Variants in CLUAP1 observed in about 807,000 individuals in gnomAD.
CLUAP1 encodes the protein clusterin-associated protein 1.
A neutral mutation model predicts 55.0 loss-of-function variants in CLUAP1; 50 were observed. The observed-to-expected ratio is 0.91, with a 90% CI of 0.72 to 1.15. The LOEUF (loss-of-function observed/expected upper bound fraction) is 1.15, where lower values mean the gene tolerates loss of function less well. CLUAP1 is among the 50% of genes most tolerant of loss of function. The pLI is 0.00. For synonymous variants in CLUAP1, 195 were observed against 175.4 expected, an observed-to-expected ratio of 1.11 and a Z score of -0.88; for missense variants, 530 against 507.6, an observed-to-expected ratio of 1.04 and a Z score of -0.42.
chr16:3,508,440 ACAAGTT>A lies in CLUAP1; in HGVS notation c.378_383del (p.Lys127_Phe128del), dbSNP rs745652641. 1 of 1,583,820 alleles carries A rather than the reference ACAAGTT, an allele frequency of 6.3e-7. No individual in the cohort carries two copies. Among genetic ancestry groups the A allele is most frequent in the Non-Finnish European group, 8.5e-7 (1 of 1,172,228 alleles). On this transcript the variant is annotated inframe_deletion, in exon 4 of 12. Transcript: ENST00000576634. The stretch of plus-strand genomic sequence containing the variant: ...TCTGAAATAGTAGAGGAAGATGTCA[ACAAGTT>A]CAAGTTTGATCTTGGCTCAAAGGTA...
chr16:3,505,264 C>A (rs552841803), intron 2 of CLUAP1, among the ~76,000 whole-genome samples: 1 of 152,220 alleles, frequency 6.6e-6, no homozygotes, highest in African/African-American at 2.4e-5. Flanking sequence ...GGCGCAGTGG[C>A]TCACGCCTGT....
In CLUAP1 at chr16:3,536,188, G is replaced by T; in HGVS notation, c.1159G>T (p.Glu387Ter). The T allele has an allele frequency of 6.2e-7, 1 of 1,614,156 alleles. No individual in the cohort carries two copies. Among genetic ancestry groups the T allele is most frequent in the Non-Finnish European group, 8.5e-7 (1 of 1,180,024 alleles). ...TGACGAGGATGACGATTTGGAAGAC[G>T]AGAGCATTTCTCTCTCACCAACCAA... ...DDDEDDDLEDESISLSPTKPN... is the reference protein window; with the variant it reads ...DDDEDDDLED The change falls in exon 12 of 12, where the codon GAG becomes TAG. Residue 387 changes from glutamate to a stop codon, truncating the protein, a stop_gained. Transcript: ENST00000576634. LOFTEE classifies it high-confidence loss of function.
chr16:3,523,693 G>A (rs1320361544), intron 8 of CLUAP1, among the ~76,000 whole-genome samples: 1 of 152,164 alleles, frequency 6.6e-6, no homozygotes, highest in Non-Finnish European at 1.5e-5. Flanking sequence ...AGCTGGTCTC[G>A]AGTGCAGATT....
At chr16:3,496,407 G>A (rs2037310565), upstream of CLUAP1, 25 of 1,107,862 alleles carry the variant, frequency 2.3e-5, 1 homozygote, top group South Asian at 3.1e-4. Flanking sequence ...CGGATGATCC[G>A]GAAGATGAAG....
At chr16:3,531,017 T>C (rs576166788) in intron 10 of CLUAP1, among the ~76,000 whole-genome samples, 56 of 152,304 alleles carry the variant, frequency 3.7e-4, no homozygotes, top group East Asian at 1.2e-3. Context: ...TGAGCATCTC[T>C]GCCTTAAAAA....
chr16:3,529,752 T>C (rs1431496167), intron 9 of CLUAP1, among the ~76,000 whole-genome samples: 30 of 48,174 alleles, frequency 6.2e-4, no homozygotes, highest in Non-Finnish European at 8.8e-4. Flanking sequence ...TATTATATAT[T>C]ATATAATATA....
chr16:3,510,239 C>G (rs1370052234), intron 4 of CLUAP1, among the ~76,000 whole-genome samples: 3 of 152,102 alleles, frequency 2.0e-5, no homozygotes, highest in African/African-American at 7.2e-5. Flanking sequence ...GGTGATCTGC[C>G]CGCCTCAGCC....
intron 4 of CLUAP1, among the ~76,000 whole-genome samples, chr16:3,509,262 A>G (rs935790413): frequency 5.3e-5 from 8 of 152,088 alleles, no homozygotes; most frequent in African/African-American, 1.9e-4. Context: ...GGAAGAAAAA[A>G]AATGTGTTTT....
intron 7 of CLUAP1, 68 bp downstream of exon 7, chr16:3,520,104 G>C: frequency 6.8e-7 from 1 of 1,462,558 alleles, no homozygotes; most frequent in Non-Finnish European, 9.2e-7. Context: ...TGGGCGTGGT[G>C]GCTCATGTCT....
At chr16:3,507,088 C>T (rs912314535) in intron 3 of CLUAP1, among the ~76,000 whole-genome samples, 10 of 150,756 alleles carry the variant, frequency 6.6e-5, no homozygotes, top group African/African-American at 2.4e-4. Flanking sequence ...CCCAGCTACT[C>T]GGGAGGCTGA....
At chr16:3,532,426 T>C (rs2038141802) in intron 10 of CLUAP1, among the ~76,000 whole-genome samples, 1 of 140,780 alleles carries the variant, frequency 7.1e-6, no homozygotes, top group African/African-American at 2.7e-5. Context: ...TTTTTTTTTT[T>C]TTTTTGGAGA....
chr16:3,531,635 A>G (rs928278845), intron 10 of CLUAP1, among the ~76,000 whole-genome samples: 2 of 152,174 alleles, frequency 1.3e-5, no homozygotes, highest in Non-Finnish European at 2.9e-5. Context: ...GGGAGGGCTC[A>G]TGGCTAGTGG....
chr16:3,510,472 G>A (rs2037602406), intron 4 of CLUAP1, among the ~76,000 whole-genome samples: 1 of 152,182 alleles, frequency 6.6e-6, no homozygotes, highest in South Asian at 2.1e-4. Flanking sequence ...ACACTCGTCA[G>A]CAAGAGAAGT....
chr16:3,526,375 G>T, intron 8 of CLUAP1, 37 bp from the exon 9 acceptor site: 1 of 1,453,830 alleles, frequency 6.9e-7, no homozygotes, highest in South Asian at 1.3e-5. Flanking sequence ...TCCAGAAAAG[G>T]GCCATCTCTC....
At chr16:3,527,511 C>G (rs1168656977) in intron 9 of CLUAP1, among the ~76,000 whole-genome samples, 1 of 152,090 alleles carries the variant, frequency 6.6e-6, no homozygotes, top group African/African-American at 2.4e-5. Flanking sequence ...AGGAAAAACA[C>G]CTGCTACTTA....
chr16:3,508,377 T>C lies in CLUAP1; in HGVS notation c.308T>C (p.Val103Ala), dbSNP rs752380733. The change falls in exon 4 of 12, where the codon GTC becomes GCC. Residue 103 changes from valine (V) to alanine (A), a missense_variant. Coordinates refer to ENST00000576634, the MANE Select transcript of CLUAP1 (RefSeq NM_015041.3). ...AVKELLKITS[V>A]LYNAMKTKGM... ...AAAGAGCTGCTGAAGATCACATCTG[T>C]CCTTTATAATGCTATGAAGACCAAG... is the stretch of plus-strand genomic sequence containing the variant. 5 of 1,607,864 alleles carry C rather than the reference T, an allele frequency of 3.1e-6. No individual in the cohort carries two copies. In the East Asian group the frequency reaches 1.1e-4, roughly 36 times the overall value.
intron 9 of CLUAP1, among the ~76,000 whole-genome samples, chr16:3,529,582 ATATTATATATTAT>A (rs2038035952): frequency 2.5e-5 from 1 of 40,168 alleles, no homozygotes; most frequent in African/African-American, 1.3e-4. Flanking sequence ...ATATTATATA[ATATTATATATTAT>A]TATATATTAT....
chr16:3,510,240 C>T (rs181783968), intron 4 of CLUAP1, among the ~76,000 whole-genome samples: 453 of 151,460 alleles, frequency 3.0e-3, no homozygotes, highest in African/African-American at 9.2e-3. Context: ...GTGATCTGCC[C>T]GCCTCAGCCT....
At chr16:3,525,545 C>A (rs1021137114) in intron 8 of CLUAP1, among the ~76,000 whole-genome samples, 1 of 151,934 alleles carries the variant, frequency 6.6e-6, no homozygotes, top group Non-Finnish European at 1.5e-5. Context: ...GTCCCTCCCC[C>A]CCACTCTCTC....
Sources: allele counts gnomAD v4.1 joint callset (sites outside exome capture counted in the v4.1 genomes callset), GRCh38; gene constraint gnomAD v4.1.1; transcripts MANE v1.5; gene names NCBI Gene and HGNC (gene_info 2026-07-23, HGNC 2026-07-21).